MYO1D: variants seen among roughly 807,000 people sequenced by gnomAD.
MYO1D encodes unconventional myosin-Id.
MYO1D carries 83 observed loss-of-function variants against 122.0 expected under a neutral mutation model. That is an observed-to-expected ratio of 0.68 (90% confidence interval 0.57 to 0.82). The LOEUF (loss-of-function observed/expected upper bound fraction) is 0.82, where lower values mean the gene tolerates loss of function less well. MYO1D is among the 40% of genes least tolerant of loss of function. The pLI, the probability that MYO1D is intolerant of heterozygous loss-of-function variation, is 0.00. For missense variants in MYO1D, 1,157 were observed against 1,269.5 expected (o/e 0.91, Z 1.35); for synonymous variants, 464 against 446.9 (o/e 1.04, Z -0.48).
chr17:32,544,467 CAT>C (rs892850813), intron 21 of MYO1D, among the ~76,000 whole-genome samples: 17 of 152,214 alleles, frequency 1.1e-4, no homozygotes, highest in African/African-American at 3.9e-4. Context: ...AAATTGTACA[CAT>C]GATTAATGAA....
At chr17:32,537,381 CA>C (rs1217520178) in intron 21 of MYO1D, among the ~76,000 whole-genome samples, 2 of 152,150 alleles carry the variant, frequency 1.3e-5, no homozygotes, top group African/African-American at 4.8e-5. Context: ...TTTTGTGACA[CA>C]ATGGAAGAGC....
At chr17:32,606,586 T>A (rs1228971163) in intron 20 of MYO1D, among the ~76,000 whole-genome samples, 1 of 152,144 alleles carries the variant, frequency 6.6e-6, no homozygotes, top group Non-Finnish European at 1.5e-5. Context: ...AATGACAGGA[T>A]AACAAAGAAA....
At chr17:32,686,375 C>G (rs2089006842) in intron 16 of MYO1D, 1 of 152,194 alleles carries the variant, frequency 6.6e-6, no homozygotes, top group South Asian at 2.1e-4. Context: ...CCCCTGTAAC[C>G]TTTGGAAGAA....
intron 19 of MYO1D, among the ~76,000 whole-genome samples, chr17:32,639,893 G>C (rs949567496): frequency 2.0e-5 from 3 of 152,136 alleles, no homozygotes; most frequent in African/African-American, 7.2e-5. Context: ...TTATTTCTAA[G>C]ATGCAAACAA....
chr17:32,597,456 A>G lies in MYO1D; in HGVS notation c.2864+7631T>C, dbSNP rs535940790. Among the ~76,000 whole-genome samples the G allele has an allele frequency of 6.6e-5, 10 of 150,768 alleles. No homozygotes were observed. In the South Asian group the frequency reaches 1.9e-3, roughly 29 times the overall value. ...GTTTAGTAGGAGAAAAAGGCAAGGT[A>G]CAGATGGTATGTGTAGCATATCACC... is the stretch of plus-strand genomic sequence containing the variant. On this transcript the variant is annotated intron_variant, in intron 21 of 21. Coordinates refer to ENST00000318217, the MANE Select transcript of MYO1D (RefSeq NM_015194.3).
chr17:32,718,779 T>C (rs929294677), intron 15 of MYO1D, among the ~76,000 whole-genome samples: 4 of 152,230 alleles, frequency 2.6e-5, no homozygotes, highest in African/African-American at 9.6e-5. Flanking sequence ...TATTGGTTGC[T>C]GCTTCTCTTA....
chr17:32,575,027 C>T (rs978346928), intron 21 of MYO1D, among the ~76,000 whole-genome samples: 2 of 152,080 alleles, frequency 1.3e-5, no homozygotes, highest in Admixed American at 6.6e-5. Flanking sequence ...CTGACATAAT[C>T]GTGGGAGCTG....
chr17:32,728,752 A>G (rs1290454170), intron 14 of MYO1D, among the ~76,000 whole-genome samples: 1 of 152,224 alleles, frequency 6.6e-6, no homozygotes, highest in African/African-American at 2.4e-5. Context: ...ATAATGTATA[A>G]AATCATGTAG....
intron 21 of MYO1D, among the ~76,000 whole-genome samples, chr17:32,515,438 T>A (rs1909855416): frequency 6.6e-6 from 1 of 152,140 alleles, no homozygotes; most frequent in Non-Finnish European, 1.5e-5. Context: ...ACCACAAGTA[T>A]GTGCCTCCAT....
At chr17:32,779,283 C>T (rs1327830225) in intron 2 of MYO1D, among the ~76,000 whole-genome samples, 3 of 151,898 alleles carry the variant, frequency 2.0e-5, no homozygotes, top group African/African-American at 7.3e-5. Flanking sequence ...ATAGACTGTA[C>T]TGTAAGTCAT....
intron 21 of MYO1D, among the ~76,000 whole-genome samples, chr17:32,599,564 T>A (rs955902504): frequency 5.9e-5 from 9 of 152,230 alleles, no homozygotes; most frequent in Admixed American, 1.3e-4. Context: ...GAATGGTGAA[T>A]CCTTTTCAGA....
chr17:32,745,871 T>C (rs2089831447), intron 12 of MYO1D, among the ~76,000 whole-genome samples: 1 of 152,140 alleles, frequency 6.6e-6, no homozygotes, highest in Non-Finnish European at 1.5e-5. Flanking sequence ...CCAGCTAAGA[T>C]TGCAGTTGGT....
At chr17:32,628,784 T>C (rs995425932) in intron 20 of MYO1D, among the ~76,000 whole-genome samples, 4 of 152,226 alleles carry the variant, frequency 2.6e-5, no homozygotes, top group African/African-American at 9.6e-5. Flanking sequence ...CATTAATTCC[T>C]GGTGGAAATG....
intron 1 of MYO1D, among the ~76,000 whole-genome samples, chr17:32,830,005 A>C (rs1038365790): frequency 1.3e-5 from 2 of 152,194 alleles, no homozygotes; most frequent in African/African-American, 2.4e-5. Context: ...TAGAGAGAAA[A>C]AGAGCTCCCA....
At chr17:32,597,890 A>C (rs2087516246) in intron 21 of MYO1D, among the ~76,000 whole-genome samples, 1 of 151,136 alleles carries the variant, frequency 6.6e-6, no homozygotes, top group Non-Finnish European at 1.5e-5. Flanking sequence ...AAAAAAAAAA[A>C]AAGAAATCTC....
intron 1 of MYO1D, among the ~76,000 whole-genome samples, chr17:32,794,841 T>C (rs901640591): frequency 4.1e-4 from 62 of 152,144 alleles, no homozygotes; most frequent in Middle Eastern, 3.2e-3. Context: ...ATTTGCTTTT[T>C]TGAAAGCTTC....
At chr17:32,543,385 G>A (rs1027583600) in intron 21 of MYO1D, among the ~76,000 whole-genome samples, 32 of 150,906 alleles carry the variant, frequency 2.1e-4, no homozygotes, top group African/African-American at 7.8e-4. Context: ...GACCATCCTG[G>A]CTAACACGGT....
At chr17:32,728,401 T>C (rs564013439) in intron 14 of MYO1D, among the ~76,000 whole-genome samples, 1 of 152,172 alleles carries the variant, frequency 6.6e-6, no homozygotes, top group Admixed American at 6.5e-5. Flanking sequence ...AGAGACAGGG[T>C]TTCACTATGT....
chr17:32,529,233 T>C (rs1910438596), intron 21 of MYO1D, among the ~76,000 whole-genome samples: 1 of 152,150 alleles, frequency 6.6e-6, no homozygotes, highest in Admixed American at 6.5e-5. Context: ...GAGCTGTGAA[T>C]TGAGCAGGAG....
Sources: gnomAD v4.1 joint callset for allele counts (sites outside exome capture counted in the v4.1 genomes callset) on GRCh38, gnomAD v4.1.1 for gene constraint, MANE v1.5 for transcripts, NCBI Gene and HGNC (gene_info 2026-07-23, HGNC 2026-07-21) for gene names.